The following GRIA3 variants were observed in gnomAD, a reference collection of about 807,000 sequenced individuals.
GRIA3 encodes the protein glutamate receptor 3.
GRIA3 carries 3 observed loss-of-function variants against 63.0 expected under a neutral mutation model. That is an observed-to-expected ratio of 0.05 (90% CI 0.02 to 0.12). GRIA3 has a LOEUF of 0.12. Among genes scored for constraint, GRIA3 ranks in the 10% least tolerant of loss-of-function variants. The probability of loss-of-function intolerance (pLI) is 1.00; values close to 1 mark genes in which losing one functional copy is unlikely to be tolerated. For synonymous variants in GRIA3, 274 were observed against 257.9 expected (o/e 1.06, Z -0.60); for missense variants, 347 against 700.9 (o/e 0.50, Z 5.70).
chrX:123,337,342 C>T (rs891629687), intron 4 of GRIA3, among the ~76,000 whole-genome samples: 4 of 111,843 alleles, frequency 3.6e-5, no homozygotes, highest in Admixed American at 9.5e-5. Context: ...TATATTCAAG[C>T]TCAAGTGGTT....
In GRIA3 at chrX:123,350,013, A is replaced by T. The variant is rs748275319; in HGVS notation, c.697-4897A>T. Among the ~76,000 whole-genome samples, 271 of 110,850 alleles carry T rather than the reference A, an allele frequency of 2.4e-3. 1 individual carries two copies. The highest frequency in any genetic ancestry group is 0.023 in the Middle Eastern group (5 of 215). On this transcript the variant is annotated intron_variant, in intron 4 of 15. Transcript: ENST00000620443. ...TGCCATAGGACAACAGTATCTTTTTAAAAAAAAATTAACTAGGAGAGCAGG... is the reference window on the plus strand; with the variant it reads ...TGCCATAGGACAACAGTATCTTTTTTAAAAAAAATTAACTAGGAGAGCAGG...
At chrX:123,423,540 A>G (rs2045574089) in intron 11 of GRIA3, among the ~76,000 whole-genome samples, 1 of 112,132 alleles carries the variant, frequency 8.9e-6, no homozygotes, top group African/African-American at 3.2e-5. Flanking sequence ...TTCTGGCTAA[A>G]AGCTGTAGTT....
At chrX:123,347,559 A>G (rs1352741668) in intron 4 of GRIA3, among the ~76,000 whole-genome samples, 5 of 112,050 alleles carry the variant, frequency 4.5e-5, no homozygotes, top group African/African-American at 1.6e-4. Flanking sequence ...AGGCATACCT[A>G]GGGAGTTCAA....
chrX:123,314,879 A>C (rs1346202231), intron 3 of GRIA3, among the ~76,000 whole-genome samples: 1 of 112,175 alleles, frequency 8.9e-6, no homozygotes, highest in South Asian at 3.7e-4. Context: ...TCAAGTTGCC[A>C]AACAATACTT....
At chrX:123,216,901 T>A (rs1269119732) in intron 2 of GRIA3, among the ~76,000 whole-genome samples, 2 of 111,644 alleles carry the variant, frequency 1.8e-5, no homozygotes, top group Non-Finnish European at 3.8e-5. Context: ...AAGGAAAACA[T>A]AAGTAGTGTT....
At chrX:123,362,089 C>T (rs753584575) in intron 5 of GRIA3, among the ~76,000 whole-genome samples, 5 of 111,979 alleles carry the variant, frequency 4.5e-5, no homozygotes, top group Non-Finnish European at 9.4e-5. Context: ...CACCAGTCTG[C>T]ACACATTTTG....
intron 3 of GRIA3, among the ~76,000 whole-genome samples, chrX:123,260,409 AC>A (rs1813468787): frequency 5.0e-4 from 4 of 8,032 alleles, no homozygotes; most frequent in African/African-American, 1.2e-3. Context: ...AGAAAGACAG[AC>A]AGACAGACAG....
intron 12 of GRIA3, among the ~76,000 whole-genome samples, chrX:123,454,839 T>C (rs1358504517): frequency 9.0e-6 from 1 of 111,717 alleles, no homozygotes; most frequent in African/African-American, 3.3e-5. Context: ...TTTCAACCCA[T>C]TGGAATATGC....
chrX:123,253,567 CT>C, intron 3 of GRIA3, 25 bp downstream of exon 3: 1 of 1,181,726 alleles, frequency 8.5e-7, no homozygotes, highest in Non-Finnish European at 1.1e-6. Context: ...CTGCTCTGCT[CT>C]TTAGATATTC....
chrX:123,316,461 G>A (rs1054105797), intron 3 of GRIA3, among the ~76,000 whole-genome samples: 1 of 112,243 alleles, frequency 8.9e-6, no homozygotes, highest in African/African-American at 3.2e-5. Context: ...AACCTTTCTG[G>A]AGGGCAATCT....
chrX:123,395,702 T>A (rs2045409469), intron 6 of GRIA3, among the ~76,000 whole-genome samples: 2 of 111,834 alleles, frequency 1.8e-5, no homozygotes, highest in South Asian at 7.4e-4. Context: ...AAGCAGAAAG[T>A]CATGGTTAAA....
intron 5 of GRIA3, among the ~76,000 whole-genome samples, chrX:123,375,119 C>T (rs771384913): frequency 1.1e-3 from 118 of 111,640 alleles, no homozygotes; most frequent in Middle Eastern, 4.6e-3. Flanking sequence ...CTTCTATACC[C>T]AGTTTTTTTA....
chrX:123,388,194 A>T (rs921322889), intron 5 of GRIA3, among the ~76,000 whole-genome samples: 7 of 111,319 alleles, frequency 6.3e-5, no homozygotes, highest in African/African-American at 2.3e-4. Flanking sequence ...CATTTTCTCA[A>T]GGTTTTCCAG....
intron 5 of GRIA3, among the ~76,000 whole-genome samples, chrX:123,383,976 T>C (rs2045339373): frequency 8.9e-6 from 1 of 111,803 alleles, no homozygotes; most frequent in African/African-American, 3.3e-5. Context: ...TTTCTGTTCC[T>C]GTGTTAGTTG....
intron 5 of GRIA3, among the ~76,000 whole-genome samples, chrX:123,386,670 G>A (rs759780118): frequency 1.3e-4 from 15 of 111,794 alleles, no homozygotes; most frequent in African/African-American, 2.3e-4. Context: ...TCATCCTTCC[G>A]AATATGGATA....
intron 3 of GRIA3, among the ~76,000 whole-genome samples, chrX:123,269,201 T>C (rs1259297655): frequency 8.9e-6 from 1 of 112,033 alleles, no homozygotes; most frequent in Non-Finnish European, 1.9e-5. Context: ...TGTGGTATAC[T>C]CTCTGGGCCA....
At chrX:123,298,199 C>T (rs150446173) in intron 3 of GRIA3, among the ~76,000 whole-genome samples, 12 of 111,586 alleles carry the variant, frequency 1.1e-4, no homozygotes, top group African/African-American at 3.6e-4. Context: ...CAGTCACATG[C>T]ATGTGTCTTT....
intron 12 of GRIA3, among the ~76,000 whole-genome samples, chrX:123,434,470 G>A (rs910975945): frequency 1.7e-4 from 19 of 111,875 alleles, no homozygotes; most frequent in East Asian, 1.7e-3. Flanking sequence ...GACACTAAGG[G>A]TAGTAGGTCA....
At position 123,295,291 on chromosome X, in the gene GRIA3, A is replaced by C. The variant is rs780685732; in HGVS notation, c.509-30735A>C. ...GAAGTTAAATGACTAGAAGGATAGA[A>C]GAGACGTGAATTTTTAAAAATCAGT... On this transcript the variant is annotated intron_variant, in intron 3 of 15. Coordinates refer to ENST00000620443, the MANE Select transcript of GRIA3 (RefSeq NM_007325.5). Among the ~76,000 whole-genome samples, 7 of 111,974 alleles carry C rather than the reference A, an allele frequency of 6.3e-5. 1 individual carries two copies. The South Asian group carries it at 2.6e-3, about 41-fold the overall frequency.
Sources: allele counts gnomAD v4.1 joint callset (sites outside exome capture counted in the v4.1 genomes callset), GRCh38; gene constraint gnomAD v4.1.1; transcripts MANE v1.5; gene names NCBI Gene and HGNC (gene_info 2026-07-23, HGNC 2026-07-21).